The following SET variants were observed in gnomAD, a reference collection of about 807,000 sequenced individuals.
SET encodes protein SET.
SET carries 4 observed loss-of-function variants against 39.0 expected under a neutral mutation model. That is an observed-to-expected ratio of 0.10 (90% CI 0.05 to 0.23). The LOEUF (loss-of-function observed/expected upper bound fraction) is 0.23, where lower values mean the gene tolerates loss of function less well. Among genes scored for constraint, SET ranks in the 10% least tolerant of loss-of-function variants. SET has a pLI of 1.00. For missense variants in SET, 137 were observed against 329.7 expected (o/e 0.42, Z 4.53); for synonymous variants, 114 against 115.9 (o/e 0.98, Z 0.11).
intron 7 of SET, 64 bp downstream of exon 7, chr9:128,694,106 G>GTGTATA: frequency 1.0e-6 from 1 of 1,001,292 alleles, no homozygotes; most frequent in Non-Finnish European, 1.4e-6. Context: ...ATTTTGGGGT[G>GTGTATA]TATATATATA....
intron 1 of SET, chr9:128,690,051 C>T: frequency 2.1e-6 from 2 of 972,554 alleles, no homozygotes; most frequent in Non-Finnish European, 2.5e-6. Context: ...GGCCCCGCGC[C>T]CGACCTCCCG....
In SET at chr9:128,694,056, T is replaced by G. The variant is rs1181005751; in HGVS notation, c.810+14T>G. On this transcript the variant is annotated intron_variant, in intron 7 of 7. Coordinates refer to ENST00000322030, the MANE Select transcript of SET (RefSeq NM_003011.4). ...GAGGAAGGAGAGGTAAAAGAAAATT[T>G]GGCTAAACCCACAAAGATAACTTTT... is the stretch of plus-strand genomic sequence containing the variant. The G allele has an allele frequency of 1.0e-5, 15 of 1,504,332 alleles. No homozygotes were observed. Among genetic ancestry groups the G allele is most frequent in the Non-Finnish European group, 1.3e-5 (14 of 1,115,088 alleles). 93.2% of individuals were successfully genotyped at this position (1,504,332 alleles called of 1,614,324 possible).
At chr9:128,690,938 G>T (rs1211816089) in intron 1 of SET, 4 of 576,360 alleles carry the variant, frequency 6.9e-6, no homozygotes, top group Non-Finnish European at 1.2e-5. Flanking sequence ...CTTTAAAAAG[G>T]CGCTATAGAA....
At chr9:128,688,031 T>C (rs1174712012), upstream of SET, among the ~76,000 whole-genome samples, 3 of 152,018 alleles carry the variant, frequency 2.0e-5, no homozygotes, top group Non-Finnish European at 2.9e-5. Flanking sequence ...GCCAAGGTGG[T>C]GAAACTCCAT....
At chr9:128,686,054 CAGG>C (rs918801844), upstream of SET, among the ~76,000 whole-genome samples, 2 of 151,264 alleles carry the variant, frequency 1.3e-5, no homozygotes, top group African/African-American at 4.9e-5. Flanking sequence ...CCAGAGGGGC[CAGG>C]AGGAGAGGAG....
rs573661585 is a variant in SET at position 128,693,179 on chromosome 9, C to G, written c.492+198C>G. ...ATACTACAGATGTAGGCAGGAAGAT[C>G]TCTTGAGCCTAGGAGTTTACCCTGG... On this transcript the variant is annotated intron_variant, in intron 5 of 7. Coordinates refer to ENST00000322030, the MANE Select transcript of SET (RefSeq NM_003011.4). 1.1e-4 allele frequency among the ~76,000 whole-genome samples: 17 copies of G among 152,218 alleles called. No individual in the cohort carries two copies. The East Asian group carries it at 3.3e-3, about 29-fold the overall frequency.
In SET at chr9:128,683,925, G is replaced by A. The variant is rs369353971; in HGVS notation, c.30G>A (p.Pro10=). ...CCCCTAAACGCCAGTCTCCACTCCC[G>A]CCTCAAAAGAAGAAACCAAGACCAC... Residue 10 remains proline, a synonymous_variant, in exon 1 of 8, where the codon CCG becomes CCA. Transcript: ENST00000372692. The A allele has an allele frequency of 1.1e-4, 173 of 1,555,110 alleles. 1 individual carries two copies. In the South Asian group the frequency reaches 1.4e-3, roughly 12 times the overall value.
intron 2 of SET, 59 bp downstream of exon 2, chr9:128,691,286 T>C: frequency 9.4e-7 from 1 of 1,065,360 alleles, no homozygotes; most frequent in Non-Finnish European, 1.4e-6. Flanking sequence ...AATAGCCCGG[T>C]AATTATCGAA....
chr9:128,689,311 A>AGCCGCCC lies in SET; in HGVS notation c.-265_-259dup, dbSNP rs1861406763. The AGCCGCCC allele has an allele frequency of 1.2e-5, 12 of 1,025,132 alleles. No individual in the cohort carries two copies. The South Asian group carries it at 4.5e-4, about 38-fold the overall frequency. The allele number at this position is 1,025,132 out of a possible 1,614,324, so 63.5% of individuals were successfully genotyped here. On this transcript the variant is annotated 5_prime_UTR_variant, in exon 1 of 8. Coordinates refer to ENST00000322030, the MANE Select transcript of SET (RefSeq NM_003011.4). ...TCGCCGAGCGCGAGTGAGGGAGCCG[A>AGCCGCCC]GCCGCCCGCCGCCGCCGCCTCCGCC...
At chr9:128,683,549 C>G (rs902269264), upstream of SET, 4 of 261,076 alleles carry the variant, frequency 1.5e-5, no homozygotes, top group Admixed American at 2.1e-4. Flanking sequence ...GGTTTGGGAA[C>G]GAACTGGGGG....
In SET at chr9:128,694,172, T is replaced by C. The variant is rs923146061; in HGVS notation, c.810+130T>C. ...ATTGTGGAAAAAAAGTAAGCCATTT[T>C]GTTGTTCAAGAATTAAGGAAATGTT... On this transcript the variant is annotated intron_variant, in intron 7 of 7. Coordinates refer to ENST00000322030, the MANE Select transcript of SET (RefSeq NM_003011.4). 45 of 877,256 alleles carry C rather than the reference T, an allele frequency of 5.1e-5. No homozygotes were observed. In the African/African-American group the frequency reaches 7.7e-4, roughly 15 times the overall value. The allele number at this position is 877,256 out of a possible 1,614,324, so 54.3% of individuals were successfully genotyped here.
At chr9:128,684,269 G>T (rs186813579), upstream of SET, among the ~76,000 whole-genome samples, 11 of 152,064 alleles carry the variant, frequency 7.2e-5, no homozygotes, top group East Asian at 2.1e-3. Context: ...TCCTCCTCTG[G>T]GGCTCCCTTT....
intron 1 of SET, chr9:128,684,051 C>A: frequency 7.0e-7 from 1 of 1,422,170 alleles, no homozygotes; most frequent in Non-Finnish European, 9.7e-7. Context: ...AAGGGATTTG[C>A]AAGGATTGAC....
upstream of SET, among the ~76,000 whole-genome samples, chr9:128,688,901 A>G (rs902415651): frequency 7.9e-5 from 12 of 151,918 alleles, no homozygotes; most frequent in Non-Finnish European, 1.8e-4. Flanking sequence ...TGCCCCGCGG[A>G]GCAGGGAAGC....
At chr9:128,694,234 T>A (rs1861647975) in intron 7 of SET, among the ~76,000 whole-genome samples, 192 bp downstream of exon 7, 1 of 149,908 alleles carries the variant, frequency 6.7e-6, no homozygotes, top group Non-Finnish European at 1.5e-5. Context: ...ACTAGGTTTT[T>A]TTTGGTTTTT....
chr9:128,683,587 C>A, upstream of SET: 1 of 295,990 alleles, frequency 3.4e-6, no homozygotes, highest in South Asian at 9.2e-5. Flanking sequence ...CACGTGAAAC[C>A]AGGAGGTCTA....
Position 128,689,399 on chromosome 9 carries a change from G to A in SET, c.-184G>A. Reference sequence around the variant, plus strand: ...ACGCCGCCCCAGCCCGTCCCTCGGCGTCAGGCCGCGAGGGTAGCGCGCGCG... The same window carrying A: ...ACGCCGCCCCAGCCCGTCCCTCGGCATCAGGCCGCGAGGGTAGCGCGCGCG... On this transcript the variant is annotated 5_prime_UTR_variant, in exon 1 of 8. Transcript: ENST00000322030. The A allele has an allele frequency of 1.1e-6, 1 of 900,356 alleles. No individual in the cohort carries two copies. Among genetic ancestry groups the A allele is most frequent in the Non-Finnish European group, 1.4e-6 (1 of 722,668 alleles). 55.8% of individuals were successfully genotyped at this position (900,356 alleles called of 1,614,324 possible).
rs1243722080 is a variant in SET, at chr9:128,694,910, T to C, written c.*246T>C. On this transcript the variant is annotated 3_prime_UTR_variant, in exon 8 of 8. Coordinates refer to ENST00000322030, the MANE Select transcript of SET (RefSeq NM_003011.4). ...AAGTTCATTTTTATCCCTTCCTGTCTGAACAAAAACTGTATGGAATCAACA... is the reference window on the plus strand; with the variant it reads ...AAGTTCATTTTTATCCCTTCCTGTCCGAACAAAAACTGTATGGAATCAACA... 6 of 371,864 alleles carry C rather than the reference T, an allele frequency of 1.6e-5. No individual in the cohort carries two copies. The highest frequency in any genetic ancestry group is 1.0e-4 in the African/African-American group (5 of 47,742). The allele number at this position is 371,864 out of a possible 1,614,324, so 23.0% of individuals were successfully genotyped here. A position where few individuals can be genotyped will look rare whatever the true frequency, so the allele number is the denominator to read the frequency against.
chr9:128,688,087 T>C (rs539223806), upstream of SET, among the ~76,000 whole-genome samples: 76 of 152,270 alleles, frequency 5.0e-4, no homozygotes, highest in African/African-American at 1.8e-3. Context: ...GGCACGTGCC[T>C]GTAGCCCCAG....
Sources: gnomAD v4.1 joint callset for allele counts (sites outside exome capture counted in the v4.1 genomes callset) on GRCh38, gnomAD v4.1.1 for gene constraint, MANE v1.5 for transcripts, NCBI Gene and HGNC (gene_info 2026-07-23, HGNC 2026-07-21) for gene names.